Variants in NCAM2 observed in about 807,000 individuals in gnomAD.
The protein encoded by NCAM2 is neural cell adhesion molecule 2, also known as N-CAM-2.
Under a neutral mutation model 98.1 loss-of-function variants are expected in NCAM2, and 30 were observed. That is an observed-to-expected ratio of 0.31 (90% CI 0.23 to 0.41). The LOEUF is 0.41. NCAM2 is among the 10% of genes least tolerant of loss of function. The pLI is 1.00. For synonymous variants in NCAM2, 368 were observed against 342.4 expected (o/e 1.07, Z -0.83); for missense variants, 867 against 1,005.8 (o/e 0.86, Z 1.87).
At chr21:21,437,683 A>G (rs1569063560) in intron 12 of NCAM2, among the ~76,000 whole-genome samples, 4 of 152,048 alleles carry the variant, frequency 2.6e-5, no homozygotes, top group Admixed American at 2.0e-4. Context: ...AACTGCCACA[A>G]TTTATAGAAA....
At chr21:21,241,061 A>C (rs2071046704) in intron 1 of NCAM2, among the ~76,000 whole-genome samples, 1 of 152,052 alleles carries the variant, frequency 6.6e-6, no homozygotes, top group African/African-American at 2.4e-5. Context: ...AGCAAACTAT[A>C]TATGGCATCT....
intron 5 of NCAM2, among the ~76,000 whole-genome samples, chr21:21,311,314 A>G (rs1479789811): frequency 1.3e-5 from 2 of 151,036 alleles, no homozygotes; most frequent in Admixed American, 6.6e-5. Flanking sequence ...TTTATGCAAA[A>G]GATGGTTACA....
At chr21:21,073,709 A>G (rs1387936856) in intron 1 of NCAM2, among the ~76,000 whole-genome samples, 1 of 152,220 alleles carries the variant, frequency 6.6e-6, no homozygotes, top group East Asian at 1.9e-4. Flanking sequence ...TGGAGGTATG[A>G]AGCCCACTCC....
At chr21:21,217,189 A>T (rs115679940) in intron 1 of NCAM2, among the ~76,000 whole-genome samples, 1 of 152,138 alleles carries the variant, frequency 6.6e-6, no homozygotes, top group African/African-American at 2.4e-5. Flanking sequence ...CTGATATTTG[A>T]TCACAATCAT....
chr21:21,260,271 A>G lies in NCAM2; in HGVS notation c.56-20307A>G, dbSNP rs193047605. 2.3e-3 allele frequency among the ~76,000 whole-genome samples: 353 copies of G among 152,122 alleles called. 1 individual carries two copies. Among genetic ancestry groups the G allele is most frequent in the Middle Eastern group, 3.4e-3 (1 of 294 alleles). On this transcript the variant is annotated intron_variant, in intron 1 of 17. Coordinates refer to ENST00000400546, the MANE Select transcript of NCAM2 (RefSeq NM_004540.5). Reference sequence around the variant, plus strand: ...AAAAAGCGAGCAACATGGAAAACATAATTGAGGGAATAATAATTCCAAAAA... The same window carrying G: ...AAAAAGCGAGCAACATGGAAAACATGATTGAGGGAATAATAATTCCAAAAA...
intron 5 of NCAM2, among the ~76,000 whole-genome samples, chr21:21,317,116 A>T (rs150213189): frequency 6.6e-6 from 1 of 152,266 alleles, no homozygotes; most frequent in Non-Finnish European, 1.5e-5. Context: ...AGAGTCTGAG[A>T]GACGCTGCTG....
chr21:21,101,558 T>G (rs187303208), intron 1 of NCAM2, among the ~76,000 whole-genome samples: 2 of 152,174 alleles, frequency 1.3e-5, no homozygotes, highest in African/African-American at 4.8e-5. Context: ...TAAAGCTTTC[T>G]TTTATTTCAA....
chr21:21,153,929 G>A (rs1256480237), intron 1 of NCAM2, among the ~76,000 whole-genome samples: 2 of 151,798 alleles, frequency 1.3e-5, no homozygotes, highest in African/African-American at 4.8e-5. Flanking sequence ...GAGAGAAGGG[G>A]CATGTTCAAA....
At chr21:21,418,616 G>A (rs986372) in intron 11 of NCAM2, 47 bp downstream of exon 11, 99,504 of 1,345,438 alleles carry the variant, frequency 0.074, 4,308 homozygotes, top group African/African-American at 0.16. Context: ...ATATTTCTGA[G>A]AGCAAATGAA....
intron 1 of NCAM2, among the ~76,000 whole-genome samples, chr21:21,200,019 A>G (rs1039166802): frequency 1.3e-5 from 2 of 152,110 alleles, no homozygotes; most frequent in East Asian, 1.9e-4. Context: ...CTCCATGAAG[A>G]CTGCCCCCGA....
At chr21:21,455,336 A>G (rs1981979853) in intron 12 of NCAM2, among the ~76,000 whole-genome samples, 1 of 151,506 alleles carries the variant, frequency 6.6e-6, no homozygotes, top group South Asian at 2.1e-4. Flanking sequence ...ACCTACAATT[A>G]TTTGTATTCA....
intron 15 of NCAM2, among the ~76,000 whole-genome samples, chr21:21,489,581 T>C (rs560415581): frequency 3.0e-4 from 46 of 152,130 alleles, no homozygotes; most frequent in Non-Finnish European, 5.7e-4. Flanking sequence ...TAGAAATATG[T>C]CATAAAAGCT....
intron 1 of NCAM2, among the ~76,000 whole-genome samples, chr21:21,035,058 T>C (rs542428900): frequency 2.0e-5 from 3 of 152,312 alleles, no homozygotes; most frequent in African/African-American, 7.2e-5. Flanking sequence ...TAAAATATCT[T>C]GAGGTTCTCA....
At chr21:21,189,267 A>G (rs2068741726) in intron 1 of NCAM2, among the ~76,000 whole-genome samples, 1 of 152,184 alleles carries the variant, frequency 6.6e-6, no homozygotes, top group African/African-American at 2.4e-5. Context: ...AAATACGTTG[A>G]AAGTGAAGTT....
intron 1 of NCAM2, among the ~76,000 whole-genome samples, chr21:21,000,691 T>C (rs547193050): frequency 2.6e-5 from 4 of 152,016 alleles, no homozygotes; most frequent in Admixed American, 2.0e-4. Context: ...TGTGTGGCAC[T>C]CATAGAGACA....
intron 1 of NCAM2, among the ~76,000 whole-genome samples, chr21:21,024,605 G>T (rs113627302): frequency 5.1e-4 from 78 of 152,278 alleles, no homozygotes; most frequent in African/African-American, 1.9e-3. Context: ...GGCTGGGCGC[G>T]GTGGCTCATG....
intron 8 of NCAM2, among the ~76,000 whole-genome samples, chr21:21,369,124 C>A (rs1016232076): frequency 7.0e-3 from 1 of 142 alleles, no homozygotes; most frequent in African/African-American, 0.026. Flanking sequence ...CCACCACCTC[C>A]CATTCCCCTT....
intron 1 of NCAM2, among the ~76,000 whole-genome samples, chr21:21,098,233 A>G (rs1165164815): frequency 6.6e-6 from 1 of 151,548 alleles, no homozygotes; most frequent in Non-Finnish European, 1.5e-5. Flanking sequence ...TCAGAAGTTA[A>G]CCTTTGGAAA....
At chr21:21,245,715 C>T (rs1301887633) in intron 1 of NCAM2, among the ~76,000 whole-genome samples, 1 of 152,202 alleles carries the variant, frequency 6.6e-6, no homozygotes, top group African/African-American at 2.4e-5. Context: ...TTTTATTTCT[C>T]AGATACTTTT....
Sources: gnomAD v4.1 joint callset for allele counts (sites outside exome capture counted in the v4.1 genomes callset) on GRCh38, gnomAD v4.1.1 for gene constraint, MANE v1.5 for transcripts, NCBI Gene and HGNC (gene_info 2026-07-23, HGNC 2026-07-21) for gene names.